Variants in ADGRB3 observed in about 807,000 individuals in gnomAD.
ADGRB3 encodes adhesion G protein-coupled receptor B3.
ADGRB3 carries 37 observed loss-of-function variants against 193.4 expected under a neutral mutation model. That is an observed-to-expected ratio of 0.19 (90% CI 0.15 to 0.25). The LOEUF (loss-of-function observed/expected upper bound fraction) is 0.25. ADGRB3 is among the 10% of genes least tolerant of loss of function. The pLI, the probability that ADGRB3 is intolerant of heterozygous loss-of-function variation, is 1.00. For missense variants in ADGRB3, 1,637 were observed against 1,852.9 expected, an observed-to-expected ratio of 0.88 and a Z score of 2.14; for synonymous variants, 690 against 644.2, an observed-to-expected ratio of 1.07 and a Z score of -1.08.
At chr6:68,990,564 C>G (rs1363735503) in intron 10 of ADGRB3, among the ~76,000 whole-genome samples, 2 of 152,134 alleles carry the variant, frequency 1.3e-5, no homozygotes, top group Non-Finnish European at 2.9e-5. Flanking sequence ...TTACTACTGA[C>G]TTGGGCCAGA....
At chr6:69,140,192 C>T (rs777030157) in intron 17 of ADGRB3, among the ~76,000 whole-genome samples, 3 of 152,184 alleles carry the variant, frequency 2.0e-5, no homozygotes, top group Non-Finnish European at 4.4e-5. Context: ...GGTAAGTTTA[C>T]TCTGAATTCA....
At chr6:69,253,338 A>T (rs142324430) in intron 20 of ADGRB3, among the ~76,000 whole-genome samples, 1 of 152,060 alleles carries the variant, frequency 6.6e-6, no homozygotes, top group East Asian at 1.9e-4. Flanking sequence ...TTTCAATTTT[A>T]TACAAAAAAG....
chr6:68,675,902 C>T (rs931844495), intron 3 of ADGRB3, among the ~76,000 whole-genome samples: 2 of 152,118 alleles, frequency 1.3e-5, no homozygotes, highest in East Asian at 3.9e-4. Flanking sequence ...TTGAAGAATC[C>T]GCTTTTTATG....
intron 20 of ADGRB3, among the ~76,000 whole-genome samples, chr6:69,305,872 C>A (rs1293432325): frequency 6.6e-6 from 1 of 151,372 alleles, no homozygotes; most frequent in Non-Finnish European, 1.5e-5. Flanking sequence ...ATTAAAAATA[C>A]CCCTGGGAAA....
At chr6:69,265,937 T>C (rs1385719175) in intron 20 of ADGRB3, among the ~76,000 whole-genome samples, 2 of 151,994 alleles carry the variant, frequency 1.3e-5, no homozygotes, top group African/African-American at 4.8e-5. Flanking sequence ...GCTCATTCTT[T>C]ACATGCTTAC....
At chr6:68,931,351 C>G (rs1767333458) in intron 4 of ADGRB3, among the ~76,000 whole-genome samples, 1 of 151,698 alleles carries the variant, frequency 6.6e-6, no homozygotes, top group Non-Finnish European at 1.5e-5. Context: ...TAATTTATGC[C>G]CATTATTTAG....
At chr6:68,809,690 T>A (rs1357594469) in intron 3 of ADGRB3, among the ~76,000 whole-genome samples, 3 of 152,186 alleles carry the variant, frequency 2.0e-5, no homozygotes, top group Admixed American at 1.3e-4. Context: ...TCCTTCATTT[T>A]AAAAAATTGC....
In ADGRB3 at chr6:68,799,168, A is replaced by C. The variant is rs1002213568; in HGVS notation, c.758-131391A>C. Among the ~76,000 whole-genome samples, 3 of 152,224 alleles carry C rather than the reference A, an allele frequency of 2.0e-5. No homozygotes were observed. In the East Asian group the frequency reaches 5.8e-4, roughly 29 times the overall value. Reference sequence around the variant, plus strand: ...CAAGATAGGAAATAAGTACAAAAAAAAGATAATAAAATATTAAAATACAGA... The same window carrying C: ...CAAGATAGGAAATAAGTACAAAAAACAGATAATAAAATATTAAAATACAGA... On this transcript the variant is annotated intron_variant, in intron 3 of 31. Coordinates refer to ENST00000370598, the MANE Select transcript of ADGRB3 (RefSeq NM_001704.3).
At chr6:68,684,701 A>T (rs1191851998) in intron 3 of ADGRB3, among the ~76,000 whole-genome samples, 1 of 152,106 alleles carries the variant, frequency 6.6e-6, no homozygotes, top group Non-Finnish European at 1.5e-5. Context: ...TTCCAGAGAA[A>T]TTTTGAGGAT....
At chr6:69,184,810 G>C (rs1203841150) in intron 17 of ADGRB3, among the ~76,000 whole-genome samples, 2 of 152,066 alleles carry the variant, frequency 1.3e-5, no homozygotes, top group Non-Finnish European at 2.9e-5. Context: ...TATCCTTTAT[G>C]GGGCAGATTT....
chr6:68,912,955 A>T (rs535226676), intron 3 of ADGRB3, among the ~76,000 whole-genome samples: 9 of 152,120 alleles, frequency 5.9e-5, no homozygotes, highest in Non-Finnish European at 1.0e-4. Context: ...AATCTCACTG[A>T]TTGCTAGCAC....
intron 3 of ADGRB3, among the ~76,000 whole-genome samples, chr6:68,909,198 A>G (rs1228754833): frequency 6.6e-6 from 1 of 152,216 alleles, no homozygotes; most frequent in East Asian, 1.9e-4. Context: ...AACTTGGAAG[A>G]TAATGTTACT....
intron 20 of ADGRB3, among the ~76,000 whole-genome samples, chr6:69,260,975 C>A (rs1766911668): frequency 6.6e-6 from 1 of 152,154 alleles, no homozygotes; most frequent in Non-Finnish European, 1.5e-5. Context: ...AATGGCAATT[C>A]TCAGTAAATA....
chr6:69,376,624 A>G (rs898894041), intron 30 of ADGRB3, among the ~76,000 whole-genome samples: 2 of 152,058 alleles, frequency 1.3e-5, no homozygotes, highest in African/African-American at 2.4e-5. Context: ...TATTAACTCA[A>G]TATCACTACA....
chr6:69,119,492 C>T (rs183995939), intron 17 of ADGRB3, among the ~76,000 whole-genome samples: 373 of 152,136 alleles, frequency 2.5e-3, no homozygotes, highest in Admixed American at 4.5e-3. Context: ...AAAAGTAGAG[C>T]GAGGTGATGT....
chr6:68,934,063 C>A (rs1015346238), intron 4 of ADGRB3, among the ~76,000 whole-genome samples: 4 of 151,958 alleles, frequency 2.6e-5, no homozygotes, highest in Admixed American at 6.6e-5. Context: ...CTAGAATGTT[C>A]TTCATACTTT....
chr6:69,384,875 T>A (rs2127241338), intron 31 of ADGRB3, among the ~76,000 whole-genome samples: 1 of 152,130 alleles, frequency 6.6e-6, no homozygotes. Flanking sequence ...TAATTTGTAG[T>A]GGCACATTAT....
chr6:69,228,863 A>G (rs1016630127), intron 17 of ADGRB3, among the ~76,000 whole-genome samples: 2 of 151,912 alleles, frequency 1.3e-5, no homozygotes, highest in African/African-American at 4.8e-5. Flanking sequence ...GTGACTTAAA[A>G]CAAGTTTCTA....
chr6:68,779,535 A>G lies in ADGRB3; in HGVS notation c.757+140103A>G, dbSNP rs111589023. 2.6e-3 allele frequency among the ~76,000 whole-genome samples: 399 copies of G among 152,140 alleles called. 1 individual carries two copies. The highest frequency in any genetic ancestry group is 9.1e-3 in the African/African-American group (380 of 41,538). ...CCACTACTGCAGGGAGGATTTAACAACGTTTGGCATATCAAATCATCAGTG... is the reference window on the plus strand; with the variant it reads ...CCACTACTGCAGGGAGGATTTAACAGCGTTTGGCATATCAAATCATCAGTG... On this transcript the variant is annotated intron_variant, in intron 3 of 31. Transcript: ENST00000370598.
Sources: gnomAD v4.1 joint callset for allele counts (sites outside exome capture counted in the v4.1 genomes callset) on GRCh38, gnomAD v4.1.1 for gene constraint, MANE v1.5 for transcripts, NCBI Gene and HGNC (gene_info 2026-07-23, HGNC 2026-07-21) for gene names.